Variants in FOCAD observed in about 807,000 individuals in gnomAD.
FOCAD encodes the protein KIAA1797.
In FOCAD, 198 loss-of-function variants were observed where a neutral mutation model predicts 225.6. The observed-to-expected ratio is 0.88, with a 90% CI of 0.78 to 0.99. The LOEUF (loss-of-function observed/expected upper bound fraction) is 0.99, where lower values mean the gene tolerates loss of function less well. Ranked by LOEUF, FOCAD falls within the 50% of genes least tolerant of loss-of-function variation. The probability of loss-of-function intolerance (pLI) is 0.00; values close to 1 mark genes in which losing one functional copy is unlikely to be tolerated. For synonymous variants in FOCAD, 897 were observed against 755.0 expected, an observed-to-expected ratio of 1.19 and a Z score of -3.08; for missense variants, 2,713 against 2,123.6, an observed-to-expected ratio of 1.28 and a Z score of -5.46.
At chr9:20,660,614 C>G (rs527870065) in intron 2 of FOCAD, among the ~76,000 whole-genome samples, 1 of 152,206 alleles carries the variant, frequency 6.6e-6, no homozygotes, top group African/African-American at 2.4e-5. Flanking sequence ...GAGACAGCAA[C>G]AGTTTGGTTA....
intron 25 of FOCAD, among the ~76,000 whole-genome samples, chr9:20,925,187 TAG>T (rs1270102301): frequency 1.3e-5 from 2 of 152,218 alleles, no homozygotes; most frequent in Non-Finnish European, 2.9e-5. Context: ...GGAAATTTTA[TAG>T]AGAGGAAATG....
chr9:20,962,399 AAT>A (rs1248444473), intron 35 of FOCAD, among the ~76,000 whole-genome samples: 8 of 136,134 alleles, frequency 5.9e-5, no homozygotes, highest in African/African-American at 2.2e-4. Flanking sequence ...ACACATATAT[AAT>A]ATATATATAC....
At chr9:20,669,667 C>G (rs1821997740) in intron 2 of FOCAD, among the ~76,000 whole-genome samples, 2 of 152,076 alleles carry the variant, frequency 1.3e-5, no homozygotes, top group South Asian at 4.2e-4. Context: ...CCCAGCTACT[C>G]AGGAGGCTGA....
chr9:20,657,137 C>T (rs536311243), upstream of FOCAD, among the ~76,000 whole-genome samples: 5 of 152,160 alleles, frequency 3.3e-5, no homozygotes, highest in East Asian at 1.9e-4. Flanking sequence ...GGGTTTCTGC[C>T]GAGAGATCCG....
intron 11 of FOCAD, among the ~76,000 whole-genome samples, chr9:20,792,226 G>A (rs1820611003): frequency 6.6e-6 from 1 of 152,174 alleles, no homozygotes; most frequent in Non-Finnish European, 1.5e-5. Flanking sequence ...TTTATGGTAA[G>A]ATTAAATACT....
chr9:20,805,388 A>G (rs1822314445), intron 11 of FOCAD, among the ~76,000 whole-genome samples: 2 of 152,146 alleles, frequency 1.3e-5, no homozygotes, highest in African/African-American at 4.8e-5. Context: ...CTGTCAATCC[A>G]TTTGTTATAG....
intron 11 of FOCAD, among the ~76,000 whole-genome samples, chr9:20,809,562 T>C (rs1271533334): frequency 6.6e-6 from 1 of 152,198 alleles, no homozygotes; most frequent in East Asian, 1.9e-4. Flanking sequence ...AATCAATCAT[T>C]ATCTATGCTG....
chr9:20,719,681 A>T (rs1035611967), intron 3 of FOCAD, among the ~76,000 whole-genome samples: 2 of 149,678 alleles, frequency 1.3e-5, no homozygotes, highest in African/African-American at 4.9e-5. Flanking sequence ...ATATTTACTT[A>T]TATGTCCTTC....
At chr9:20,836,801 A>G (rs531470613) in intron 15 of FOCAD, among the ~76,000 whole-genome samples, 11 of 152,088 alleles carry the variant, frequency 7.2e-5, no homozygotes, top group Non-Finnish European at 1.3e-4. Context: ...AGTACACATA[A>G]GTCATATATG....
chr9:20,918,581 G>A (rs966197286), intron 24 of FOCAD, among the ~76,000 whole-genome samples: 13 of 152,162 alleles, frequency 8.5e-5, no homozygotes, highest in African/African-American at 1.7e-4. Flanking sequence ...AAAATTAGCC[G>A]GGCGTAATGG....
At chr9:20,986,565 C>A (rs1026562299) in intron 40 of FOCAD, 100 bp downstream of exon 40, 46 of 1,108,274 alleles carry the variant, frequency 4.2e-5, no homozygotes, top group Non-Finnish European at 4.3e-5. Flanking sequence ...TAGTTTAGTG[C>A]TTATTGACAC....
At chr9:20,657,184 G>A (rs1821516015), upstream of FOCAD, among the ~76,000 whole-genome samples, 2 of 151,694 alleles carry the variant, frequency 1.3e-5, no homozygotes, top group Non-Finnish European at 2.9e-5. Context: ...AGGGTAACCT[G>A]ACCTTTCTCT....
chr9:20,845,877 CATA>C (rs1378368374), intron 15 of FOCAD, among the ~76,000 whole-genome samples: 1 of 152,032 alleles, frequency 6.6e-6, no homozygotes, highest in Non-Finnish European at 1.5e-5. Context: ...CAAATGCTAA[CATA>C]ATAAGCATTA....
At chr9:20,936,397 A>C (rs1835972786) in intron 28 of FOCAD, among the ~76,000 whole-genome samples, 1 of 152,222 alleles carries the variant, frequency 6.6e-6, no homozygotes, top group South Asian at 2.1e-4. Flanking sequence ...TTTCATCAGG[A>C]ATAAATAAAG....
chr9:20,804,172 C>G (rs1338172402), intron 11 of FOCAD, among the ~76,000 whole-genome samples: 3 of 151,994 alleles, frequency 2.0e-5, no homozygotes, highest in Admixed American at 6.6e-5. Flanking sequence ...TCTCAAAATT[C>G]ACTTTAGCTT....
At chr9:20,704,774 G>T (rs905424001) in intron 1 of FOCAD, among the ~76,000 whole-genome samples, 7 of 152,068 alleles carry the variant, frequency 4.6e-5, no homozygotes, top group African/African-American at 1.7e-4. Context: ...GGATTTCTAC[G>T]CTTTCAGTGA....
chr9:20,913,946 G>C (rs1358763793), intron 23 of FOCAD, among the ~76,000 whole-genome samples: 1 of 152,026 alleles, frequency 6.6e-6, no homozygotes, highest in East Asian at 1.9e-4. Flanking sequence ...TGAGTATAAA[G>C]GAGTTAGGTC....
At chr9:20,812,616 A>G (rs1257894772) in intron 11 of FOCAD, among the ~76,000 whole-genome samples, 1 of 151,718 alleles carries the variant, frequency 6.6e-6, no homozygotes, top group Non-Finnish European at 1.5e-5. Context: ...TGTCCAATTT[A>G]TGGGGTGAAG....
intron 5 of FOCAD, among the ~76,000 whole-genome samples, chr9:20,745,935 A>G (rs1828002756): frequency 6.6e-6 from 1 of 152,146 alleles, no homozygotes; most frequent in Non-Finnish European, 1.5e-5. Context: ...TATTTGTGTA[A>G]TAGTATATAG....
Sources: allele counts gnomAD v4.1 joint callset (sites outside exome capture counted in the v4.1 genomes callset), GRCh38; gene constraint gnomAD v4.1.1; transcripts MANE v1.5; gene names NCBI Gene and HGNC (gene_info 2026-07-23, HGNC 2026-07-21).